The following CARM1 variants were observed in gnomAD, a reference collection of about 807,000 sequenced individuals.
CARM1 encodes the protein coactivator associated arginine methyltransferase 1.
Under a neutral mutation model 72.7 loss-of-function variants are expected in CARM1, and 14 were observed. The ratio of observed to expected loss-of-function variants is 0.19; its 90% CI spans 0.13 to 0.30. CARM1 has a LOEUF of 0.30. CARM1 is among the 10% of genes least tolerant of loss of function. The pLI is 1.00. For synonymous variants in CARM1, 333 were observed against 345.5 expected (o/e 0.96, Z 0.40); for missense variants, 432 against 833.7 (o/e 0.52, Z 5.93).
chr19:10,913,707 G>A (rs2074172553), intron 5 of CARM1, among the ~76,000 whole-genome samples, 170 bp from the exon 6 acceptor site: 1 of 152,188 alleles, frequency 6.6e-6, no homozygotes, highest in Non-Finnish European at 1.5e-5. Context: ...CCCACAGTGA[G>A]CTCTTAACAG....
chr19:10,888,994 C>T (rs950997148), intron 1 of CARM1, among the ~76,000 whole-genome samples: 9 of 152,194 alleles, frequency 5.9e-5, no homozygotes, highest in Non-Finnish European at 1.5e-5. Flanking sequence ...AGAGGGAGCC[C>T]CCTACTGAGT....
At position 10,917,590 on chromosome 19, in the gene CARM1, C is replaced by T. The variant is rs574132523; in HGVS notation, c.1020+813C>T. Among the ~76,000 whole-genome samples the T allele has an allele frequency of 1.5e-4, 23 of 152,278 alleles. No homozygotes were observed. In the South Asian group the frequency reaches 3.1e-3, roughly 21 times the overall value. On this transcript the variant is annotated intron_variant, in intron 8 of 15. Coordinates refer to ENST00000327064, the MANE Select transcript of CARM1 (RefSeq NM_199141.2). ...TTGGATACTATCTCTTTAAACACTA[C>T]GTCTGCCCCATTCTTTCTCCTTCTG...
chr19:10,879,826 G>C (rs1053998698), intron 1 of CARM1, among the ~76,000 whole-genome samples: 2 of 152,118 alleles, frequency 1.3e-5, no homozygotes, highest in African/African-American at 4.8e-5. Flanking sequence ...TTTTGGCCAG[G>C]CTGGTCTTGA....
In CARM1 at chr19:10,916,268, C is replaced by A; in HGVS notation, c.848-139C>A. Reference sequence around the variant, plus strand: ...TGATCAGAATAGGCGCTCGGTGCCACTGTCACAGGAGTGCAGGAACGAATG... The same window carrying A: ...TGATCAGAATAGGCGCTCGGTGCCAATGTCACAGGAGTGCAGGAACGAATG... On this transcript the variant is annotated intron_variant, in intron 6 of 15. Transcript: ENST00000327064. This position sits in a 1 kb window ranked among gnomAD's most constrained non-coding sequence, Gnocchi z 4.4. 1.6e-6 allele frequency: 1 copy of A among 625,300 alleles called. No homozygotes were observed. The highest frequency in any genetic ancestry group is 2.9e-6 in the Non-Finnish European group (1 of 346,040). 38.7% of individuals were successfully genotyped at this position (625,300 alleles called of 1,614,324 possible). A position where few individuals can be genotyped will look rare whatever the true frequency, so the allele number is the denominator to read the frequency against.
At chr19:10,906,167 T>A (rs754388264) in intron 2 of CARM1, among the ~76,000 whole-genome samples, 2 of 151,862 alleles carry the variant, frequency 1.3e-5, no homozygotes, top group Non-Finnish European at 2.9e-5. Flanking sequence ...TTGCCCAGGC[T>A]GGTCTCAAAC....
intron 1 of CARM1, among the ~76,000 whole-genome samples, chr19:10,882,267 A>T (rs967528626): frequency 8.5e-5 from 13 of 152,198 alleles, no homozygotes; most frequent in African/African-American, 3.1e-4. Context: ...GGCCAAGGGC[A>T]TGCAGTGGGG....
intron 1 of CARM1, among the ~76,000 whole-genome samples, chr19:10,891,550 C>A (rs2073987763): frequency 6.6e-6 from 1 of 152,208 alleles, no homozygotes; most frequent in African/African-American, 2.4e-5. Flanking sequence ...CCAGCTGGGT[C>A]ACAGAAGAGG....
intron 2 of CARM1, among the ~76,000 whole-genome samples, chr19:10,907,038 C>T (rs1370417006): frequency 6.6e-6 from 1 of 151,748 alleles, no homozygotes; most frequent in Admixed American, 6.6e-5. Flanking sequence ...TCCTGAGTAG[C>T]TGGGATTACA....
chr19:10,879,736 C>T (rs2073888132), intron 1 of CARM1, among the ~76,000 whole-genome samples: 1 of 152,178 alleles, frequency 6.6e-6, no homozygotes, highest in African/African-American at 2.4e-5. Flanking sequence ...GCATCAGACT[C>T]CCAAGTAGCT....
Position 10,912,572 on chromosome 19 carries a change from C to A in CARM1, c.669+278C>A, listed in dbSNP as rs556713255. ...ATTCACAAAGTTCAAAACATAAAAG[C>A]TAAAAAAGAGCAGACAGCGTGCTCT... On this transcript the variant is annotated intron_variant, in intron 5 of 15. Coordinates refer to ENST00000327064, the MANE Select transcript of CARM1 (RefSeq NM_199141.2). The surrounding 1 kb of genome is among the most constrained non-coding windows in gnomAD (Gnocchi z 4.5). 6.6e-6 allele frequency among the ~76,000 whole-genome samples: 1 copy of A among 151,062 alleles called. No homozygotes were observed. Among genetic ancestry groups the A allele is most frequent in the East Asian group, 1.9e-4 (1 of 5,154 alleles).
chr19:10,882,604 C>T (rs575983183), intron 1 of CARM1, among the ~76,000 whole-genome samples: 8 of 137,118 alleles, frequency 5.8e-5, no homozygotes, highest in East Asian at 2.3e-4. Flanking sequence ...TACAGTGGAG[C>T]GATTTCTGCT....
intron 1 of CARM1, among the ~76,000 whole-genome samples, chr19:10,879,237 A>G (rs568615707): frequency 6.6e-6 from 1 of 152,326 alleles, no homozygotes; most frequent in South Asian, 2.1e-4. Flanking sequence ...GGTCACATCC[A>G]GGTGTTTGTT....
At position 10,891,755 on chromosome 19, in the gene CARM1, A is replaced by C. The variant is rs563369353; in HGVS notation, c.221-13196A>C. ...CATGTACAAGGGAGAAATTCAAGCCACTCAGGAGGGTGTAACATGAAAAGT... is the reference window on the plus strand; with the variant it reads ...CATGTACAAGGGAGAAATTCAAGCCCCTCAGGAGGGTGTAACATGAAAAGT... On this transcript the variant is annotated intron_variant, in intron 1 of 15. Transcript: ENST00000327064. Among the ~76,000 whole-genome samples the C allele has an allele frequency of 2.6e-5, 4 of 152,286 alleles. No homozygotes were observed. In the South Asian group the frequency reaches 8.3e-4, roughly 32 times the overall value.
At chr19:10,903,650 T>A (rs1394420395) in intron 1 of CARM1, among the ~76,000 whole-genome samples, 1 of 151,206 alleles carries the variant, frequency 6.6e-6, no homozygotes, top group African/African-American at 2.4e-5. Flanking sequence ...AGCCTCAACC[T>A]CCTGGGCTCA....
At position 10,922,707 on chromosome 19, in the gene CARM1, G is replaced by A. The variant is rs2074277851; in HGVS notation, c.*950G>A. ...CCTGCCCGGGAAGGGACCTTGCAGG[G>A]ACCTCTCCCTCCAAAAAAAGAAAAA... is the stretch of plus-strand genomic sequence containing the variant. On this transcript the variant is annotated 3_prime_UTR_variant, in exon 16 of 16. Transcript: ENST00000327064. The A allele has an allele frequency of 6.6e-6, 1 of 152,322 alleles. No individual in the cohort carries two copies. Among genetic ancestry groups the A allele is most frequent in the South Asian group, 2.1e-4 (1 of 4,836 alleles). 9.4% of individuals were successfully genotyped at this position (152,322 alleles called of 1,614,324 possible). A position where few individuals can be genotyped will look rare whatever the true frequency, so the allele number is the denominator to read the frequency against.
Position 10,912,683 on chromosome 19 carries a change from GTCC to G in CARM1, c.669+392_669+394del, listed in dbSNP as rs2074161546. ...GTCTGAGCAGAGCTATTCCGTGAGC[GTCC>G]TCTCGCACCAGTGGAGGCTGCACCC... On this transcript the variant is annotated intron_variant, in intron 5 of 15. Coordinates refer to ENST00000327064, the MANE Select transcript of CARM1 (RefSeq NM_199141.2). The surrounding 1 kb of genome is among the most constrained non-coding windows in gnomAD (Gnocchi z 4.5). Among the ~76,000 whole-genome samples the G allele has an allele frequency of 7.9e-5, 12 of 152,042 alleles. No individual in the cohort carries two copies. In the South Asian group the frequency reaches 2.5e-3, roughly 32 times the overall value.
Position 10,908,110 on chromosome 19 carries a change from C to A in CARM1, c.418C>A (p.Arg140=), listed in dbSNP as rs762459878. The stretch of plus-strand genomic sequence containing the variant: ...CCTGGAGCGGTCTGTGTTCAGCGAG[C>A]GGACGGAGGAGTCTTCTGCCGTGCA... ...HTLERSVFSE[R]TEESSAVQYF... Residue 140 remains arginine, a synonymous_variant, in exon 3 of 16, where the codon CGG becomes AGG. Transcript: ENST00000327064. 1 of 1,613,730 alleles carries A rather than the reference C, an allele frequency of 6.2e-7. No individual in the cohort carries two copies. The highest frequency in any genetic ancestry group is 8.5e-7 in the Non-Finnish European group (1 of 1,179,822).
At chr19:10,900,754 G>A (rs1456289781) in intron 1 of CARM1, among the ~76,000 whole-genome samples, 1 of 152,098 alleles carries the variant, frequency 6.6e-6, no homozygotes, top group East Asian at 1.9e-4. Context: ...CGTGATCTCG[G>A]CTCACCGCAA....
intron 6 of CARM1, 42 bp downstream of exon 6, chr19:10,914,096 G>C: frequency 6.4e-7 from 1 of 1,550,778 alleles, no homozygotes; most frequent in South Asian, 1.2e-5. Flanking sequence ...CTCGGTGGAG[G>C]CCCTGGCTGC....
Sources: gnomAD v4.1 joint callset for allele counts (sites outside exome capture counted in the v4.1 genomes callset) on GRCh38, gnomAD v4.1.1 for gene constraint, Gnocchi (gnomAD v3.1) non-coding constraint, MANE v1.5 for transcripts, NCBI Gene and HGNC (gene_info 2026-07-23, HGNC 2026-07-21) for gene names.